DIAPH3: variants seen among roughly 807,000 people sequenced by gnomAD.
DIAPH3 encodes protein diaphanous homolog 3.
A neutral mutation model predicts 144.3 loss-of-function variants in DIAPH3; 117 were observed. The observed-to-expected ratio is 0.81, with a 90% CI of 0.70 to 0.95. The LOEUF (loss-of-function observed/expected upper bound fraction) is 0.95, where lower values mean the gene tolerates loss of function less well. Among genes scored for constraint, DIAPH3 ranks in the 40% least tolerant of loss-of-function variants. DIAPH3 has a pLI of 0.00. For synonymous variants in DIAPH3, 519 were observed against 488.9 expected (o/e 1.06, Z -0.81); for missense variants, 1,421 against 1,412.7 (o/e 1.01, Z -0.09).
chr13:59,942,192 A>G (rs542957373), intron 17 of DIAPH3, among the ~76,000 whole-genome samples: 1 of 152,318 alleles, frequency 6.6e-6, no homozygotes, highest in African/African-American at 2.4e-5. Context: ...CACAGGCACC[A>G]TTTGGAATAA....
chr13:60,139,434 T>C (rs1370316104), intron 1 of DIAPH3, among the ~76,000 whole-genome samples: 1 of 152,162 alleles, frequency 6.6e-6, no homozygotes, highest in Non-Finnish European at 1.5e-5. Flanking sequence ...AAACATACCA[T>C]GTATTACTCA....
rs1566612071 is a variant in DIAPH3 at position 59,983,818 on chromosome 13, T to C, written c.1431A>G (p.Pro477=). ...QIVLHRDGMD[P]DFTYRKRLDL... ...CTAGTCTTTTTCGATATGTGAAGTC[T>C]GGATCCATTCCATCTCTATGCAATA... The change falls in exon 13 of 28, where the codon CCA becomes CCG. Residue 477 remains proline (P), a synonymous_variant. Transcript: ENST00000400324. 2 of 1,610,250 alleles carry C rather than the reference T, an allele frequency of 1.2e-6. No individual in the cohort carries two copies. Among genetic ancestry groups the C allele is most frequent in the Non-Finnish European group, 1.7e-6 (2 of 1,177,408 alleles).
chr13:59,895,572 C>A (rs2064507469), intron 20 of DIAPH3, among the ~76,000 whole-genome samples: 1 of 151,964 alleles, frequency 6.6e-6, no homozygotes, highest in Admixed American at 6.6e-5. Context: ...GAAAAATCAA[C>A]TCAGACAAAG....
At chr13:59,780,271 A>G (rs966555791) in intron 25 of DIAPH3, among the ~76,000 whole-genome samples, 2 of 152,310 alleles carry the variant, frequency 1.3e-5, no homozygotes, top group Middle Eastern at 3.4e-3. Flanking sequence ...TCGAAGAATA[A>G]GCAGGAGTTA....
chr13:59,751,139 C>T (rs958855950), intron 27 of DIAPH3, among the ~76,000 whole-genome samples: 3 of 152,266 alleles, frequency 2.0e-5, no homozygotes, highest in Non-Finnish European at 4.4e-5. Flanking sequence ...CAAATGGCTA[C>T]AATTAGCATT....
chr13:60,015,840 T>A, intron 7 of DIAPH3, 73 bp downstream of exon 7: 2 of 1,296,334 alleles, frequency 1.5e-6, no homozygotes, highest in East Asian at 2.3e-5. Flanking sequence ...CAATTTACCA[T>A]CACTTTACTG....
At chr13:59,760,917 C>T (rs1248708602) in intron 27 of DIAPH3, among the ~76,000 whole-genome samples, 4 of 152,150 alleles carry the variant, frequency 2.6e-5, no homozygotes, top group African/African-American at 9.6e-5. Context: ...AGCATGATTA[C>T]TTAAATGATC....
chr13:60,083,043 A>C (rs563226134), intron 4 of DIAPH3, among the ~76,000 whole-genome samples: 2 of 152,164 alleles, frequency 1.3e-5, no homozygotes, highest in Non-Finnish European at 2.9e-5. Flanking sequence ...AAACTTTGAA[A>C]TATCGTTCCC....
chr13:59,672,440 TCTC>T (rs2032423285), intron 27 of DIAPH3, among the ~76,000 whole-genome samples: 1 of 152,298 alleles, frequency 6.6e-6, no homozygotes, highest in Non-Finnish European at 1.5e-5. Flanking sequence ...AAATTTGGTC[TCTC>T]CTCGCAATTC....
intron 27 of DIAPH3, among the ~76,000 whole-genome samples, chr13:59,744,692 CTTA>C (rs2036620105): frequency 1.3e-5 from 2 of 152,180 alleles, no homozygotes; most frequent in African/African-American, 4.8e-5. Flanking sequence ...AGAGGTATAA[CTTA>C]TTATCACAGC....
chr13:60,133,054 G>T, intron 1 of DIAPH3, 65 bp from the exon 2 acceptor site: 3 of 1,154,004 alleles, frequency 2.6e-6, no homozygotes, highest in South Asian at 2.7e-5. Flanking sequence ...TAGTTAATAG[G>T]GTACATTCAA....
At chr13:60,089,421 T>G (rs2057857131) in intron 4 of DIAPH3, among the ~76,000 whole-genome samples, 1 of 152,176 alleles carries the variant, frequency 6.6e-6, no homozygotes, top group African/African-American at 2.4e-5. Context: ...TAAGCATTAC[T>G]ATTAAATACA....
intron 27 of DIAPH3, among the ~76,000 whole-genome samples, chr13:59,677,942 G>T (rs1466365576): frequency 6.6e-6 from 1 of 152,086 alleles, no homozygotes; most frequent in African/African-American, 2.4e-5. Context: ...TCTATGTTTT[G>T]GCATCTGTTT....
intron 4 of DIAPH3, among the ~76,000 whole-genome samples, chr13:60,056,650 G>C (rs1302077532): frequency 6.6e-6 from 1 of 151,790 alleles, no homozygotes; most frequent in East Asian, 1.9e-4. Flanking sequence ...CTGACTCCAA[G>C]GCTGGGTGTA....
intron 20 of DIAPH3, among the ~76,000 whole-genome samples, chr13:59,879,913 C>T (rs560536792): frequency 2.6e-4 from 40 of 152,192 alleles, no homozygotes; most frequent in African/African-American, 9.6e-4. Context: ...CAATTGCTGT[C>T]CTCAGAAACC....
intron 4 of DIAPH3, among the ~76,000 whole-genome samples, chr13:60,049,404 T>G (rs2056229460): frequency 6.6e-6 from 1 of 152,224 alleles, no homozygotes; most frequent in Non-Finnish European, 1.5e-5. Context: ...CATATTGAAC[T>G]GTCCAACTTG....
At chr13:59,762,733 C>A (rs1436395204) in intron 27 of DIAPH3, among the ~76,000 whole-genome samples, 1 of 152,054 alleles carries the variant, frequency 6.6e-6, no homozygotes, top group Non-Finnish European at 1.5e-5. Flanking sequence ...TTCCCCTGAT[C>A]TTCCCTGCTA....
intron 4 of DIAPH3, among the ~76,000 whole-genome samples, chr13:60,086,304 A>T (rs73532928): frequency 0.06 from 9,096 of 152,216 alleles, 762 homozygotes; most frequent in African/African-American, 0.19. Flanking sequence ...GATGAATTTT[A>T]GCTGTTGGAA....
At chr13:59,800,279 C>T (rs1370173954) in intron 25 of DIAPH3, among the ~76,000 whole-genome samples, 5 of 152,160 alleles carry the variant, frequency 3.3e-5, no homozygotes, top group Non-Finnish European at 7.4e-5. Flanking sequence ...TCTTTTCTTA[C>T]CTTTCCCTTT....
Sources: gnomAD v4.1 joint callset for allele counts (sites outside exome capture counted in the v4.1 genomes callset) on GRCh38, gnomAD v4.1.1 for gene constraint, MANE v1.5 for transcripts, NCBI Gene and HGNC (gene_info 2026-07-23, HGNC 2026-07-21) for gene names.